ADGRF5: variants seen among roughly 807,000 people sequenced by gnomAD.
The protein encoded by ADGRF5 is G-protein coupled receptor 116.
Under a neutral mutation model 132.3 loss-of-function variants are expected in ADGRF5, and 75 were observed. The ratio of observed to expected loss-of-function variants is 0.57; its 90% CI spans 0.47 to 0.69. The LOEUF (loss-of-function observed/expected upper bound fraction) is 0.69. Ranked by LOEUF, ADGRF5 falls within the 30% of genes least tolerant of loss-of-function variation. ADGRF5 has a pLI of 0.00. For synonymous variants in ADGRF5, 629 were observed against 597.6 expected, an observed-to-expected ratio of 1.05 and a Z score of -0.77; for missense variants, 1,516 against 1,630.6, an observed-to-expected ratio of 0.93 and a Z score of 1.21.
Position 46,929,398 on chromosome 6 carries a change from C to T in ADGRF5, c.-24-22612G>A, listed in dbSNP as rs551629465. On this transcript the variant is annotated intron_variant, in intron 1 of 20. Coordinates refer to the ADGRF5 transcript ENST00000265417. Reference sequence around the variant, plus strand: ...AGGAGATATACCTAATGCTAAATTACGAGTTAATGGGTGTAGCACACCAAC... The same window carrying T: ...AGGAGATATACCTAATGCTAAATTATGAGTTAATGGGTGTAGCACACCAAC... Among the ~76,000 whole-genome samples, 132 of 151,692 alleles carry T rather than the reference C, an allele frequency of 8.7e-4. 1 individual carries two copies. The highest frequency in any genetic ancestry group is 3.5e-3 in the South Asian group (17 of 4,812).
At chr6:46,911,659 C>G (rs1409241219) in intron 1 of ADGRF5, among the ~76,000 whole-genome samples, 2 of 152,094 alleles carry the variant, frequency 1.3e-5, no homozygotes, top group Non-Finnish European at 2.9e-5. Flanking sequence ...AGGCCTTTAG[C>G]CTTCCTGCTT....
chr6:46,879,523 C>T (rs1415051339), intron 9 of ADGRF5, among the ~76,000 whole-genome samples: 1 of 152,144 alleles, frequency 6.6e-6, no homozygotes, highest in Non-Finnish European at 1.5e-5. Context: ...CTTGCTTCCC[C>T]TTTGCCTTCT....
chr6:46,945,430 A>G (rs534090832), intron 1 of ADGRF5, among the ~76,000 whole-genome samples: 3 of 152,322 alleles, frequency 2.0e-5, no homozygotes, highest in South Asian at 4.1e-4. Context: ...TTGCGTTCCT[A>G]ACTCTACATG....
intron 10 of ADGRF5, among the ~76,000 whole-genome samples, chr6:46,877,298 T>C (rs1771862885): frequency 2.9e-5 from 3 of 104,024 alleles, no homozygotes; most frequent in Non-Finnish European, 6.2e-5. Context: ...TTTCTCTCTC[T>C]CTCTCTCTTT....
chr6:46,950,062 G>A (rs1021140819), intron 1 of ADGRF5, among the ~76,000 whole-genome samples: 10 of 152,230 alleles, frequency 6.6e-5, no homozygotes, highest in African/African-American at 2.2e-4. Context: ...TTGGATCACC[G>A]CACTGACATC....
At chr6:46,910,241 C>T (rs1313026220) in intron 1 of ADGRF5, among the ~76,000 whole-genome samples, 1 of 152,038 alleles carries the variant, frequency 6.6e-6, no homozygotes, top group Non-Finnish European at 1.5e-5. Context: ...GTTGGAGCAA[C>T]CATTTATGAT....
intron 20 of ADGRF5, among the ~76,000 whole-genome samples, chr6:46,854,953 G>T (rs1181502816): frequency 1.3e-5 from 2 of 152,142 alleles, no homozygotes; most frequent in African/African-American, 4.8e-5. Context: ...CACAAAATTT[G>T]CTTGTATATG....
rs143316442 is a variant in ADGRF5 at position 46,883,598 on chromosome 6, G to A, written c.573C>T (p.Ser191=). 1.4e-3 allele frequency: 2,274 copies of A among 1,608,894 alleles called. 4 individuals are homozygous for A. Among genetic ancestry groups the A allele is most frequent in the Non-Finnish European group, 1.7e-3 (1,949 of 1,177,902 alleles). ...CGGTCTTGTAGGACCTATAGAGGGC[G>A]GAGGAAGTGTTCATGAGGTCTTCTT... ...GFQEDLMNTS[S]ALYRSYKTDL... is the part of the protein sequence containing the mutation. Residue 191 remains serine (S), a synonymous_variant, in exon 6 of 21, where the codon TCC becomes TCT. Coordinates refer to ENST00000283296, the MANE Select transcript of ADGRF5 (RefSeq NM_001098518.2).
intron 16 of ADGRF5, 65 bp downstream of exon 16, chr6:46,860,650 G>C (rs1489159925): frequency 1.7e-6 from 2 of 1,191,532 alleles, no homozygotes; most frequent in Non-Finnish European, 2.4e-6. Context: ...TACGTTTCTT[G>C]AATACAAATT....
chr6:46,907,112 G>A (rs1775465600), intron 1 of ADGRF5, among the ~76,000 whole-genome samples: 1 of 151,896 alleles, frequency 6.6e-6, no homozygotes, highest in South Asian at 2.1e-4. Context: ...TTCGCTACAT[G>A]CAATATACTT....
intron 3 of ADGRF5, among the ~76,000 whole-genome samples, chr6:46,899,164 A>G (rs772493783): frequency 4.6e-5 from 7 of 152,052 alleles, no homozygotes; most frequent in Non-Finnish European, 7.4e-5. Context: ...AGTTCATAAG[A>G]CTTGAGGCTT....
At chr6:46,904,228 CT>C (rs1159290417) in intron 2 of ADGRF5, among the ~76,000 whole-genome samples, 3 of 152,210 alleles carry the variant, frequency 2.0e-5, no homozygotes, top group Non-Finnish European at 4.4e-5. Context: ...TTTAAAAGCC[CT>C]TTACCCCACA....
intron 3 of ADGRF5, among the ~76,000 whole-genome samples, chr6:46,899,120 T>A (rs1284743262): frequency 1.3e-5 from 2 of 152,044 alleles, no homozygotes; most frequent in Non-Finnish European, 2.9e-5. Context: ...TCTCTGATGA[T>A]CTGGGGAATG....
intron 10 of ADGRF5, among the ~76,000 whole-genome samples, chr6:46,872,290 A>G (rs1043784208): frequency 6.6e-6 from 1 of 152,196 alleles, no homozygotes; most frequent in Non-Finnish European, 1.5e-5. Context: ...ATGAGGATTA[A>G]TAATTGCAGT....
At chr6:46,946,586 G>T (rs1266503434) in intron 1 of ADGRF5, among the ~76,000 whole-genome samples, 1 of 152,166 alleles carries the variant, frequency 6.6e-6, no homozygotes, top group Non-Finnish European at 1.5e-5. Flanking sequence ...AATGCTAACA[G>T]GAAAGGGCCA....
In ADGRF5 at chr6:46,865,215, G is replaced by T. The variant is rs1770279115; in HGVS notation, c.1835-18C>A. 2 of 1,588,260 alleles carry T rather than the reference G, an allele frequency of 1.3e-6. No individual in the cohort carries two copies. The highest frequency in any genetic ancestry group is 1.3e-5 in the African/African-American group (1 of 74,326). On this transcript the variant is annotated intron_variant, in intron 13 of 20. Coordinates refer to ENST00000283296, the MANE Select transcript of ADGRF5 (RefSeq NM_001098518.2). Reference sequence around the variant, plus strand: ...TTCTTTTGCTGAAGACAGAATTATTGAAAGAATTAAGTCACAACATGAGTC... The same window carrying T: ...TTCTTTTGCTGAAGACAGAATTATTTAAAGAATTAAGTCACAACATGAGTC...
intron 9 of ADGRF5, 23 bp from the exon 10 acceptor site, chr6:46,878,428 T>A: frequency 7.3e-7 from 1 of 1,370,992 alleles, no homozygotes; most frequent in Non-Finnish European, 1.0e-6. Context: ...CACAAAATCA[T>A]GTATTATTAT....
At chr6:46,949,163 G>A (rs547339405) in intron 1 of ADGRF5, among the ~76,000 whole-genome samples, 7 of 151,938 alleles carry the variant, frequency 4.6e-5, no homozygotes, top group Non-Finnish European at 7.4e-5. Flanking sequence ...GCTTTGTTTC[G>A]GTCTGAAAAC....
rs1242306214 is a variant in ADGRF5 at position 46,908,595 on chromosome 6, AT to A, written c.-24-1810del. ...TCCTTTTTTTGGTCAGTTAGCAAGA[AT>A]TACAATGTTTTCAAATAGTCATGTC... is the stretch of plus-strand genomic sequence containing the variant. On this transcript the variant is annotated intron_variant, in intron 1 of 20. Transcript: ENST00000283296. 2.0e-5 allele frequency: 3 copies of A among 152,298 alleles called. No homozygotes were observed. In the East Asian group the frequency reaches 5.8e-4, roughly 29 times the overall value. The allele number at this position is 152,298 out of a possible 1,614,324, so 9.4% of individuals were successfully genotyped here.
Sources: gnomAD v4.1 joint callset for allele counts (sites outside exome capture counted in the v4.1 genomes callset) on GRCh38, gnomAD v4.1.1 for gene constraint, MANE v1.5 for transcripts, NCBI Gene and HGNC (gene_info 2026-07-23, HGNC 2026-07-21) for gene names.